Variants in C1GALT1 observed in about 807,000 individuals in gnomAD.
C1GALT1 encodes core 1 synthase, glycoprotein-N-acetylgalactosamine 3-beta-galactosyltransferase 1, also known as glycoprotein-N-acetylgalactosamine 3-beta-galactosyltransferase 1.
C1GALT1 carries 11 observed loss-of-function variants against 31.0 expected under a neutral mutation model. That is an observed-to-expected ratio of 0.36 (90% confidence interval 0.22 to 0.59). C1GALT1 has a LOEUF of 0.59. C1GALT1 is among the 20% of genes least tolerant of loss of function. The pLI, the probability that C1GALT1 is intolerant of heterozygous loss-of-function variation, is 0.79. For synonymous variants in C1GALT1, 175 were observed against 143.6 expected, an observed-to-expected ratio of 1.22 and a Z score of -1.56; for missense variants, 424 against 425.2, an observed-to-expected ratio of 1.00 and a Z score of 0.03.
chr7:7,182,704 C>A lies in C1GALT1; in HGVS notation c.-134C>A. ...TAATCTGGGCGGCAGCGGGCGGCCT[C>A]GGCTAGCGGCCACGAGCCACTTCTG... On this transcript the variant is annotated 5_prime_UTR_variant, in exon 1 of 4. Transcript: ENST00000436587. 5.5e-6 allele frequency: 4 copies of A among 729,312 alleles called. No individual in the cohort carries two copies. Among genetic ancestry groups the A allele is most frequent in the Non-Finnish European group, 6.7e-6 (4 of 595,710 alleles). 45.2% of individuals were successfully genotyped at this position (729,312 alleles called of 1,614,324 possible). A position where few individuals can be genotyped will look rare whatever the true frequency, so the allele number is the denominator to read the frequency against.
In C1GALT1 at chr7:7,234,387, G is replaced by A; in HGVS notation, c.68G>A (p.Cys23Tyr). Residue 23 changes from cysteine to tyrosine, a missense_variant, in exon 2 of 4, where the codon TGT (cysteine) becomes TAT (tyrosine). Around this residue, in one of 3 missense-constraint regions of C1GALT1, gnomAD observed 189 missense variants for 158.2 expected, o/e 1.19. Transcript: ENST00000436587. ...LCGSAIGFLL[C>Y]SQLFSILLGE... ...GGATCAGCAATAGGATTTCTTTTAT[G>A]TTCTCAGCTATTTAGTATTTTGTTG... 6.2e-7 allele frequency: 1 copy of A among 1,613,882 alleles called. No homozygotes were observed. Among genetic ancestry groups the A allele is most frequent in the Non-Finnish European group, 8.5e-7 (1 of 1,179,914 alleles).
At chr7:7,193,843 C>G (rs958474668) in intron 1 of C1GALT1, among the ~76,000 whole-genome samples, 1 of 152,028 alleles carries the variant, frequency 6.6e-6, no homozygotes, top group African/African-American at 2.4e-5. Context: ...GTGTCATTTT[C>G]AATTTCTTTC....
At chr7:7,222,224 T>C (rs1446612296) in intron 1 of C1GALT1, among the ~76,000 whole-genome samples, 1 of 152,264 alleles carries the variant, frequency 6.6e-6, no homozygotes, top group Non-Finnish European at 1.5e-5. Context: ...AAGTTTTCTA[T>C]GCTGTTCTTT....
intron 1 of C1GALT1, among the ~76,000 whole-genome samples, chr7:7,231,936 G>C (rs1426764120): frequency 6.6e-6 from 1 of 152,206 alleles, no homozygotes; most frequent in African/African-American, 2.4e-5. Context: ...GTAAAGATTG[G>C]TCTATTTTTG....
At chr7:7,220,620 C>G (rs1782467272) in intron 1 of C1GALT1, among the ~76,000 whole-genome samples, 1 of 152,062 alleles carries the variant, frequency 6.6e-6, no homozygotes, top group Middle Eastern at 3.2e-3. Flanking sequence ...CTCCTGGGTT[C>G]AAGAGATTCT....
chr7:7,233,273 T>C (rs1783174486), intron 1 of C1GALT1, among the ~76,000 whole-genome samples: 1 of 151,678 alleles, frequency 6.6e-6, no homozygotes, highest in Non-Finnish European at 1.5e-5. Flanking sequence ...AACTTTTTCT[T>C]TTTTTTTTCT....
intron 3 of C1GALT1, among the ~76,000 whole-genome samples, chr7:7,241,967 T>G (rs1485403088): frequency 4.6e-5 from 7 of 152,030 alleles, no homozygotes; most frequent in African/African-American, 1.7e-4. Context: ...AAAAATTGCT[T>G]CCAGAGGTCA....
At chr7:7,239,012 T>A in intron 3 of C1GALT1, 90 bp downstream of exon 3, 1 of 1,043,124 alleles carries the variant, frequency 9.6e-7, no homozygotes, top group Non-Finnish European at 1.4e-6. Context: ...GTTTCTTTAG[T>A]ACCAACAACA....
At chr7:7,176,638 T>G (rs906332313) in intron 2 of C1GALT1, among the ~76,000 whole-genome samples, 4 of 152,198 alleles carry the variant, frequency 2.6e-5, no homozygotes, top group Admixed American at 2.6e-4. Context: ...TCACACTGAG[T>G]CCTCTTCCCT....
At chr7:7,178,284 C>G (rs1242973274), upstream of C1GALT1, 2 of 231,604 alleles carry the variant, frequency 8.6e-6, no homozygotes, top group African/African-American at 4.6e-5. Flanking sequence ...AGAGAGTCAT[C>G]AGAGGCATCT....
upstream of C1GALT1, among the ~76,000 whole-genome samples, chr7:7,180,946 G>C (rs530101292): frequency 1.3e-5 from 2 of 152,084 alleles, no homozygotes; most frequent in Middle Eastern, 3.4e-3. Context: ...AGAAAGGCAG[G>C]GTGGGGGCAG....
chr7:7,163,128 C>G (rs1448224120), intron 2 of C1GALT1, among the ~76,000 whole-genome samples: 1 of 152,136 alleles, frequency 6.6e-6, no homozygotes, highest in Non-Finnish European at 1.5e-5. Context: ...AATTAGATCC[C>G]ATTTGTCAAT....
At chr7:7,183,915 A>T (rs1032389439) in intron 1 of C1GALT1, among the ~76,000 whole-genome samples, 1 of 152,252 alleles carries the variant, frequency 6.6e-6, no homozygotes, top group African/African-American at 2.4e-5. Context: ...GCCGATGTGT[A>T]AGGGAGAGAA....
intron 1 of C1GALT1, among the ~76,000 whole-genome samples, chr7:7,220,065 T>A (rs1413155150): frequency 2.0e-5 from 3 of 152,208 alleles, no homozygotes; most frequent in African/African-American, 7.2e-5. Context: ...ATGCTTTTTA[T>A]TTTTTATTAA....
chr7:7,167,473 CAA>C (rs1302378089), intron 2 of C1GALT1, among the ~76,000 whole-genome samples: 33 of 152,090 alleles, frequency 2.2e-4, no homozygotes. Context: ...AATATATAAA[CAA>C]TGATAAATCT....
chr7:7,196,338 T>A (rs969289083), intron 1 of C1GALT1, among the ~76,000 whole-genome samples: 1 of 152,016 alleles, frequency 6.6e-6, no homozygotes, highest in African/African-American at 2.4e-5. Context: ...CTTGCGATGG[T>A]TTGCTCAGAA....
At chr7:7,163,823 A>G (rs1423280919) in intron 2 of C1GALT1, among the ~76,000 whole-genome samples, 1 of 152,098 alleles carries the variant, frequency 6.6e-6, no homozygotes, top group Non-Finnish European at 1.5e-5. Context: ...AAGAGGATAC[A>G]AACAAATGGA....
At chr7:7,174,269 TA>T (rs1780482722) in intron 2 of C1GALT1, among the ~76,000 whole-genome samples, 1 of 152,212 alleles carries the variant, frequency 6.6e-6, no homozygotes. Flanking sequence ...GAAGGGTACA[TA>T]AAAGCGCATC....
At chr7:7,220,473 ATGCTG>A (rs1298522638) in intron 1 of C1GALT1, among the ~76,000 whole-genome samples, 1 of 152,228 alleles carries the variant, frequency 6.6e-6, no homozygotes, top group African/African-American at 2.4e-5. Flanking sequence ...AATATGGTAT[ATGCTG>A]AGCATTGATC....
Sources: gnomAD v4.1 joint callset for allele counts (sites outside exome capture counted in the v4.1 genomes callset) on GRCh38, gnomAD v4.1.1 for gene constraint, gnomAD v4.1.1 regional missense constraint, MANE v1.5 for transcripts, NCBI Gene and HGNC (gene_info 2026-07-23, HGNC 2026-07-21) for gene names.